The following ARFGAP1 variants were observed in gnomAD, a reference collection of about 807,000 sequenced individuals.
The protein encoded by ARFGAP1 is ADP-ribosylation factor GTPase-activating protein 1.
Under a neutral mutation model 54.0 loss-of-function variants are expected in ARFGAP1, and 26 were observed. The ratio of observed to expected loss-of-function variants is 0.48; its 90% CI spans 0.35 to 0.67. The LOEUF is 0.67. Among genes scored for constraint, ARFGAP1 ranks in the 30% least tolerant of loss-of-function variants. The pLI is 0.00. For missense variants in ARFGAP1, 525 were observed against 535.8 expected (o/e 0.98, Z 0.20); for synonymous variants, 248 against 211.9 (o/e 1.17, Z -1.48).
chr20:63,273,476 A>G (rs1259934945), intron 1 of ARFGAP1: 4 of 152,154 alleles, frequency 2.6e-5, no homozygotes, highest in South Asian at 4.1e-4. Context: ...TTTTTGCGTT[A>G]TTTTTCAAGA....
At chr20:63,286,109 C>G (rs1313178111) in intron 11 of ARFGAP1, 1 of 1,550,184 alleles carries the variant, frequency 6.5e-7, no homozygotes, top group Admixed American at 2.0e-5. Flanking sequence ...CTCGCTCCTC[C>G]CCCCCAAGCA....
chr20:63,279,051 C>A, intron 7 of ARFGAP1, 56 bp downstream of exon 7: 1 of 1,562,434 alleles, frequency 6.4e-7, no homozygotes, highest in Non-Finnish European at 8.8e-7. Flanking sequence ...CCTGAGGGCA[C>A]GACGGGCCAT....
In ARFGAP1 at chr20:63,276,410, C is replaced by G; in HGVS notation, c.171-70C>G. The G allele has an allele frequency of 6.4e-7, 1 of 1,550,528 alleles. No individual in the cohort carries two copies. Among genetic ancestry groups the G allele is most frequent in the African/African-American group, 1.4e-5 (1 of 73,660 alleles). On this transcript the variant is annotated intron_variant, in intron 3 of 12. Transcript: ENST00000370283. This position sits in a 1 kb window ranked among gnomAD's most constrained non-coding sequence, Gnocchi z 5.2. ...TGCTTGCTGTGTCTAATTCTCAGGA[C>G]GATGCTGGGTGGAGGGTGTCCCTGG... is the stretch of plus-strand genomic sequence containing the variant.
intron 2 of ARFGAP1, 123 bp from the exon 3 acceptor site, chr20:63,275,968 C>A: frequency 1.2e-6 from 1 of 855,626 alleles, no homozygotes; most frequent in Non-Finnish European, 1.9e-6. Flanking sequence ...CTTGCCCTGA[C>A]CCACACCCCC....
At chr20:63,280,707 C>T (rs989727480) in intron 7 of ARFGAP1, among the ~76,000 whole-genome samples, 2 of 152,210 alleles carry the variant, frequency 1.3e-5, no homozygotes, top group Non-Finnish European at 2.9e-5. Flanking sequence ...TTTTGTGGCC[C>T]TTCCTTCTGC....
Position 63,288,387 on chromosome 20 carries a change from C to T in ARFGAP1, c.*514C>T, listed in dbSNP as rs747303812. On this transcript the variant is annotated 3_prime_UTR_variant, in exon 13 of 13. Coordinates refer to ENST00000370283, the MANE Select transcript of ARFGAP1 (RefSeq NM_018209.4). ...ATGATACTGGCGCTCACGCTGCCAT[C>T]CGACCACCCTCGGCTCCCGAGTCCA... 1 of 456,364 alleles carries T rather than the reference C, an allele frequency of 2.2e-6. No homozygotes were observed. The highest frequency in any genetic ancestry group is 1.5e-5 in the South Asian group (1 of 64,572). The allele number at this position is 456,364 out of a possible 1,614,324, so 28.3% of individuals were successfully genotyped here.
intron 8 of ARFGAP1, 59 bp downstream of exon 8, chr20:63,281,406 T>C (rs532994778): frequency 2.0e-6 from 3 of 1,537,640 alleles, no homozygotes; most frequent in East Asian, 2.3e-5. Flanking sequence ...CACTGGCTGC[T>C]GCTGGCCTGG....
rs1453128154 is a variant in ARFGAP1, at chr20:63,285,731, T to G, written c.834+18T>G. ...CGTCCAAGGTAGGGAGCCTGCCAGATACGCGGGCACAGTCGAAGCCAGTCT... is the reference window on the plus strand; with the variant it reads ...CGTCCAAGGTAGGGAGCCTGCCAGAGACGCGGGCACAGTCGAAGCCAGTCT... On this transcript the variant is annotated intron_variant, in intron 11 of 12. Coordinates refer to ENST00000370283, the MANE Select transcript of ARFGAP1 (RefSeq NM_018209.4). The G allele has an allele frequency of 3.1e-6, 5 of 1,612,072 alleles. No individual in the cohort carries two copies. The Admixed American group carries it at 6.7e-5, about 21-fold the overall frequency.
intron 1 of ARFGAP1, 42 bp from the exon 2 acceptor site, chr20:63,275,535 G>A: frequency 1.3e-6 from 2 of 1,580,212 alleles, no homozygotes; most frequent in Middle Eastern, 1.7e-4. Context: ...TTGTAGAGTA[G>A]CCTGTTTGTA....
At chr20:63,286,179 C>T (rs2123314662) in intron 11 of ARFGAP1, 187 bp from the exon 12 acceptor site, 1 of 1,549,880 alleles carries the variant, frequency 6.5e-7, no homozygotes, top group Non-Finnish European at 8.7e-7. Context: ...GTCCCGCACA[C>T]ACCTGGCACC....
intron 1 of ARFGAP1, chr20:63,274,311 A>ACC (rs766440194): frequency 1.2e-3 from 6 of 4,960 alleles, no homozygotes; most frequent in African/African-American, 2.3e-3. Context: ...TGGAGTTGGG[A>ACC]CCCCCCCCCC....
chr20:63,275,605 G>C lies in ARFGAP1; in HGVS notation c.25G>C (p.Val9Leu). 2.5e-6 allele frequency: 4 copies of C among 1,613,922 alleles called. No individual in the cohort carries two copies. The highest frequency in any genetic ancestry group is 2.2e-5 in the East Asian group (1 of 44,884). The change falls in exon 2 of 13, where the codon GTT (valine) becomes CTT (leucine). Residue 9 changes from valine to leucine, a missense_variant. This residue lies in a region of ARFGAP1 where 39 missense variants were observed against 40.4 expected (regional missense o/e 0.97). Transcript: ENST00000370283. ...CATGGCCAGCCCAAGAACCAGGAAG[G>C]TTCTTAAAGAAGTCAGGGTGCAGGA... Reference protein sequence around the residue: MASPRTRKVLKEVRVQDEN... With the variant: MASPRTRKLLKEVRVQDEN...
intron 10 of ARFGAP1, 112 bp from the exon 11 acceptor site, chr20:63,285,542 C>G: frequency 8.9e-7 from 1 of 1,127,756 alleles, no homozygotes; most frequent in Non-Finnish European, 1.3e-6. Flanking sequence ...TGATGGGTAT[C>G]CACATGCCCC....
chr20:63,286,112 C>G (rs374508899), intron 11 of ARFGAP1: 108 of 1,550,120 alleles, frequency 7.0e-5, no homozygotes, highest in South Asian at 2.0e-4. Context: ...GCTCCTCCCC[C>G]CCAAGCATGT....
chr20:63,272,852 C>T lies in ARFGAP1; in HGVS notation c.-73C>T, dbSNP rs996764049. On this transcript the variant is annotated 5_prime_UTR_variant, in exon 1 of 13. Transcript: ENST00000370283. ...GCTGGTGGGCGACCGGGCGCATCCT[C>T]ATTGCAGTGCGGCGGCCCTACCTCG... 6.6e-6 allele frequency: 1 copy of T among 152,318 alleles called. No homozygotes were observed. The highest frequency in any genetic ancestry group is 1.5e-5 in the Non-Finnish European group (1 of 68,110). The allele number at this position is 152,318 out of a possible 1,614,324, so 9.4% of individuals were successfully genotyped here.
Position 63,288,247 on chromosome 20 carries a change from C to T in ARFGAP1, c.*374C>T, listed in dbSNP as rs574395763. 1.4e-4 allele frequency: 73 copies of T among 536,324 alleles called. No individual in the cohort carries two copies. The highest frequency in any genetic ancestry group is 6.8e-4 in the South Asian group (44 of 64,916). 33.2% of individuals were successfully genotyped at this position (536,324 alleles called of 1,614,324 possible). ...CTGGGGCCTGGGACCAGCCACGTGC[C>T]GAGCTGTCAGCGACGTGAGGTGTCC... On this transcript the variant is annotated 3_prime_UTR_variant, in exon 13 of 13. Coordinates refer to ENST00000370283, the MANE Select transcript of ARFGAP1 (RefSeq NM_018209.4).
At position 63,276,005 on chromosome 20, in the gene ARFGAP1, C is replaced by G; in HGVS notation, c.61-86C>G. ...GCCACCCTGGGCAGCCCTCTGCATT[C>G]GCTCCTTGAGGCCACCTGTCGGGTC... On this transcript the variant is annotated intron_variant, in intron 2 of 12. Transcript: ENST00000370283. This position sits in a 1 kb window ranked among gnomAD's most constrained non-coding sequence, Gnocchi z 5.2. 2 of 1,278,542 alleles carry G rather than the reference C, an allele frequency of 1.6e-6. No individual in the cohort carries two copies. Among genetic ancestry groups the G allele is most frequent in the Non-Finnish European group, 2.3e-6 (2 of 881,744 alleles). The allele number at this position is 1,278,542 out of a possible 1,614,324, so 79.2% of individuals were successfully genotyped here.
rs934099125 is a variant in ARFGAP1, at chr20:63,288,767, A to C, written c.*894A>C. The C allele has an allele frequency of 2.9e-6, 1 of 344,106 alleles. No individual in the cohort carries two copies. Among genetic ancestry groups the C allele is most frequent in the African/African-American group, 2.1e-5 (1 of 46,574 alleles). The allele number at this position is 344,106 out of a possible 1,614,324, so 21.3% of individuals were successfully genotyped here. A position where few individuals can be genotyped will look rare whatever the true frequency, so the allele number is the denominator to read the frequency against. On this transcript the variant is annotated 3_prime_UTR_variant, in exon 13 of 13. Transcript: ENST00000370283. ...GCTGCCCTGCACACCGGTGCCCGCC[A>C]CATGCCAACCCTCACCTCCCCGAGG...
At chr20:63,277,387 C>G (rs1601337756) in intron 5 of ARFGAP1, 82 bp downstream of exon 5, 2 of 1,229,454 alleles carry the variant, frequency 1.6e-6, no homozygotes, top group Non-Finnish European at 2.2e-6. Flanking sequence ...GAATTCTCCC[C>G]TTCTTTGCTG....
Sources: gnomAD v4.1 joint callset for allele counts (sites outside exome capture counted in the v4.1 genomes callset) on GRCh38, gnomAD v4.1.1 for gene constraint, gnomAD v4.1.1 regional missense constraint, Gnocchi (gnomAD v3.1) non-coding constraint, MANE v1.5 for transcripts, NCBI Gene and HGNC (gene_info 2026-07-23, HGNC 2026-07-21) for gene names.